Variants in L3MBTL4 observed in about 807,000 individuals in gnomAD.
The protein encoded by L3MBTL4 is L3MBTL histone methyl-lysine binding protein 4.
Under a neutral mutation model 84.5 loss-of-function variants are expected in L3MBTL4, and 70 were observed. The observed-to-expected ratio is 0.83, with a 90% CI of 0.68 to 1.01. The LOEUF is 1.01. L3MBTL4 is among the 50% of genes least tolerant of loss of function. The probability of loss-of-function intolerance (pLI) is 0.00; values close to 1 mark genes in which losing one functional copy is unlikely to be tolerated. For synonymous variants in L3MBTL4, 274 were observed against 259.8 expected (o/e 1.05, Z -0.52); for missense variants, 715 against 754.8 (o/e 0.95, Z 0.62).
intron 17 of L3MBTL4, chr18:5,960,727 G>A (rs985793784): frequency 6.6e-6 from 1 of 152,256 alleles, no homozygotes; most frequent in Non-Finnish European, 1.5e-5. Context: ...CGGTTGATAA[G>A]TAGCAGAGAC....
At chr18:6,081,710 G>A (rs1431041114) in intron 15 of L3MBTL4, among the ~76,000 whole-genome samples, 2 of 152,164 alleles carry the variant, frequency 1.3e-5, no homozygotes, top group Non-Finnish European at 2.9e-5. Context: ...GGTCATGGAA[G>A]TACTGTTTTA....
At chr18:6,282,474 C>G (rs1036357502) in intron 4 of L3MBTL4, among the ~76,000 whole-genome samples, 2 of 152,016 alleles carry the variant, frequency 1.3e-5, no homozygotes, top group African/African-American at 2.4e-5. Context: ...ACATTTCAGG[C>G]AGAAAGGATG....
chr18:6,230,643 T>C (rs564085304), intron 10 of L3MBTL4, among the ~76,000 whole-genome samples: 3 of 152,284 alleles, frequency 2.0e-5, no homozygotes, highest in East Asian at 1.9e-4. Flanking sequence ...TAACACTACT[T>C]TGAGTTCTTT....
chr18:6,160,095 T>C (rs1300757075), intron 13 of L3MBTL4, among the ~76,000 whole-genome samples: 1 of 152,200 alleles, frequency 6.6e-6, no homozygotes. Context: ...GCTGGTGGAC[T>C]GGCACATTCC....
At chr18:6,368,135 G>A (rs1000096835) in intron 1 of L3MBTL4, among the ~76,000 whole-genome samples, 3 of 151,996 alleles carry the variant, frequency 2.0e-5, no homozygotes, top group Non-Finnish European at 4.4e-5. Flanking sequence ...CCTCAGCACA[G>A]GCAATGGTAG....
At chr18:6,363,668 A>G (rs2053811132) in intron 1 of L3MBTL4, among the ~76,000 whole-genome samples, 1 of 152,166 alleles carries the variant, frequency 6.6e-6, no homozygotes, top group Non-Finnish European at 1.5e-5. Context: ...GACTCTTTCT[A>G]TTCCCATATT....
chr18:6,260,917 A>G (rs571526188), intron 5 of L3MBTL4: 1 of 152,346 alleles, frequency 6.6e-6, no homozygotes, highest in East Asian at 1.9e-4. Context: ...ATTATATTAA[A>G]ACCTATTTTT....
chr18:6,190,459 G>T (rs564001439), intron 12 of L3MBTL4, among the ~76,000 whole-genome samples: 16 of 152,122 alleles, frequency 1.1e-4, no homozygotes, highest in Non-Finnish European at 4.4e-5. Flanking sequence ...CAACAGGAAT[G>T]GGTCTGCAAA....
Position 6,072,697 on chromosome 18 carries a change from C to A in L3MBTL4, c.1444+8184G>T, listed in dbSNP as rs147367601. On this transcript the variant is annotated intron_variant, in intron 16 of 18. Coordinates refer to ENST00000317931, the MANE Select transcript of L3MBTL4 (RefSeq NM_001330559.2). ...CTACTAAAAAACACACACACACACA[C>A]AAAAAAAAATTAGCTGGGCGTAGTG... Among the ~76,000 whole-genome samples the A allele has an allele frequency of 6.0e-3, 859 of 143,156 alleles. 3 individuals are homozygous for A. Among genetic ancestry groups the A allele is most frequent in the Non-Finnish European group, 8.6e-3 (569 of 65,872 alleles). 93.9% of individuals were successfully genotyped at this position (143,156 alleles called of 152,430 possible). A position where few individuals can be genotyped will look rare whatever the true frequency, so the allele number is the denominator to read the frequency against.
At chr18:6,354,713 A>G (rs1468592213) in intron 1 of L3MBTL4, among the ~76,000 whole-genome samples, 4 of 152,194 alleles carry the variant, frequency 2.6e-5, no homozygotes, top group African/African-American at 9.7e-5. Context: ...AGAAATGTAA[A>G]TCAAAACTAG....
chr18:6,116,190 A>G (rs1030691707), intron 14 of L3MBTL4, among the ~76,000 whole-genome samples: 1 of 152,156 alleles, frequency 6.6e-6, no homozygotes, highest in Non-Finnish European at 1.5e-5. Flanking sequence ...AAAGGACCAC[A>G]GGGTTCAGCA....
chr18:6,390,450 C>G (rs569771045), intron 1 of L3MBTL4, among the ~76,000 whole-genome samples: 2 of 152,016 alleles, frequency 1.3e-5, no homozygotes, highest in African/African-American at 4.8e-5. Flanking sequence ...AAACTCAAAG[C>G]TAGCAGAAGA....
At chr18:6,174,459 ATATTGCTGGATGACAATAT>A (rs1568256184) in intron 12 of L3MBTL4, among the ~76,000 whole-genome samples, 5 of 152,206 alleles carry the variant, frequency 3.3e-5, no homozygotes, top group Admixed American at 2.6e-4. Context: ...AATATCTTAA[ATATTGCTGGATGACAATAT>A]TATTGCTGGA....
intron 14 of L3MBTL4, among the ~76,000 whole-genome samples, chr18:6,122,352 T>A (rs559871890): frequency 2.2e-4 from 33 of 152,336 alleles, no homozygotes; most frequent in African/African-American, 7.2e-4. Context: ...TGATATGATT[T>A]GGCTGTGTCC....
At chr18:6,179,965 A>C (rs777440032) in intron 12 of L3MBTL4, among the ~76,000 whole-genome samples, 2 of 152,198 alleles carry the variant, frequency 1.3e-5, no homozygotes, top group African/African-American at 2.4e-5. Context: ...TAATGTTCAC[A>C]GTACTATTTT....
chr18:6,414,915 G>C (rs2056137155), upstream of L3MBTL4: 1 of 149,568 alleles, frequency 6.7e-6, no homozygotes, highest in Non-Finnish European at 1.5e-5. The surrounding 1 kb of genome is among the most constrained non-coding windows in gnomAD (Gnocchi z 5.4). Flanking sequence ...GGTGCCCGGC[G>C]GGAGGGGCGC....
chr18:6,355,403 A>C (rs1347214333), intron 1 of L3MBTL4, among the ~76,000 whole-genome samples: 1 of 152,148 alleles, frequency 6.6e-6, no homozygotes, highest in Non-Finnish European at 1.5e-5. Context: ...CAATAATACT[A>C]TGATAAGGCA....
chr18:6,021,717 G>A (rs1261846876), intron 16 of L3MBTL4, among the ~76,000 whole-genome samples: 1 of 152,020 alleles, frequency 6.6e-6, no homozygotes, highest in Admixed American at 6.6e-5. Flanking sequence ...GTTGAGAATC[G>A]AAGCCATTGC....
intron 14 of L3MBTL4, among the ~76,000 whole-genome samples, chr18:6,102,331 G>A (rs62079168): frequency 0.026 from 3,966 of 152,260 alleles, 54 homozygotes; most frequent in South Asian, 0.042. Flanking sequence ...ATCTCAATCA[G>A]TGCAGAACTT....
Sources: gnomAD v4.1 joint callset for allele counts (sites outside exome capture counted in the v4.1 genomes callset) on GRCh38, gnomAD v4.1.1 for gene constraint, Gnocchi (gnomAD v3.1) non-coding constraint, MANE v1.5 for transcripts, NCBI Gene and HGNC (gene_info 2026-07-23, HGNC 2026-07-21) for gene names.